Variants in NTM observed in about 807,000 individuals in gnomAD.
The protein encoded by NTM is IgLON family member 2.
Under a neutral mutation model 42.1 loss-of-function variants are expected in NTM, and 13 were observed. The ratio of observed to expected loss-of-function variants is 0.31; its 90% confidence interval spans 0.20 to 0.49. The LOEUF (loss-of-function observed/expected upper bound fraction) is 0.49. NTM is among the 20% of genes least tolerant of loss of function. The pLI is 0.99. For missense variants in NTM, 373 were observed against 452.8 expected (o/e 0.82, Z 1.60); for synonymous variants, 187 against 179.2 (o/e 1.04, Z -0.35).
intron 1 of NTM, among the ~76,000 whole-genome samples, chr11:131,789,617 A>AAGAAGAAGAAGG (rs2090422178): frequency 2.0e-4 from 17 of 83,100 alleles, no homozygotes; most frequent in Admixed American, 8.0e-4. Flanking sequence ...GAAGAAGAAG[A>AAGAAGAAGAAGG]AGAAGAAGAA....
chr11:131,433,365 T>C (rs1329197135), intron 1 of NTM, among the ~76,000 whole-genome samples: 1 of 152,214 alleles, frequency 6.6e-6, no homozygotes, highest in South Asian at 2.1e-4. Flanking sequence ...TGTCTATTTT[T>C]TCCCCACAGT....
At chr11:131,813,911 T>C (rs2092841165) in intron 1 of NTM, among the ~76,000 whole-genome samples, 1 of 152,108 alleles carries the variant, frequency 6.6e-6, no homozygotes, top group Admixed American at 6.5e-5. Flanking sequence ...TTCGTAACAG[T>C]GCCTACTTCA....
chr11:132,059,967 C>G (rs187955905), intron 2 of NTM, among the ~76,000 whole-genome samples: 58 of 152,196 alleles, frequency 3.8e-4, no homozygotes, highest in African/African-American at 1.0e-3. Flanking sequence ...CTATTTCTTC[C>G]AGATTAGAGA....
chr11:131,542,515 G>A (rs1039444086), intron 1 of NTM, among the ~76,000 whole-genome samples: 1 of 152,130 alleles, frequency 6.6e-6, no homozygotes, highest in African/African-American at 2.4e-5. Context: ...ACATCTTGAG[G>A]TTTTCTTCTA....
chr11:131,790,506 A>C (rs1684278813), intron 1 of NTM, among the ~76,000 whole-genome samples: 1 of 152,114 alleles, frequency 6.6e-6, no homozygotes, highest in African/African-American at 2.4e-5. Flanking sequence ...ATTTCCTTTT[A>C]CCCTCATGGC....
intron 1 of NTM, among the ~76,000 whole-genome samples, chr11:131,451,728 C>T (rs759360330): frequency 6.6e-6 from 1 of 152,076 alleles, no homozygotes; most frequent in Non-Finnish European, 1.5e-5. Context: ...TTTGCTGGAG[C>T]CACGAGAACT....
chr11:131,897,620 G>A (rs528242760), intron 1 of NTM, among the ~76,000 whole-genome samples: 11 of 152,302 alleles, frequency 7.2e-5, no homozygotes, highest in African/African-American at 1.9e-4. Context: ...CAGAAAACTC[G>A]AGTAGAGCAA....
At chr11:131,743,141 T>C (rs528742088) in intron 1 of NTM, among the ~76,000 whole-genome samples, 1 of 152,206 alleles carries the variant, frequency 6.6e-6, no homozygotes, top group Admixed American at 6.5e-5. Context: ...TTTAGACATA[T>C]ATTTAACAGA....
chr11:131,796,707 G>A (rs927565368), intron 1 of NTM, among the ~76,000 whole-genome samples: 4 of 152,146 alleles, frequency 2.6e-5, no homozygotes, highest in Non-Finnish European at 2.9e-5. Context: ...GGATGGCCTC[G>A]ACATCAGCGC....
intron 1 of NTM, among the ~76,000 whole-genome samples, chr11:131,520,513 G>A (rs2049491435): frequency 6.6e-6 from 1 of 152,156 alleles, no homozygotes; most frequent in African/African-American, 2.4e-5. Context: ...GCATACTTCT[G>A]TGGTGTCCAG....
At chr11:131,409,804 G>C (rs1372835698) in intron 1 of NTM, among the ~76,000 whole-genome samples, 1 of 152,174 alleles carries the variant, frequency 6.6e-6, no homozygotes, top group Non-Finnish European at 1.5e-5. Flanking sequence ...ACATGTTGGA[G>C]GGTCAAACAC....
rs569562848 is a variant in NTM, at chr11:132,116,463, G to A, written c.168-29819G>A. 6.6e-5 allele frequency among the ~76,000 whole-genome samples: 10 copies of A among 152,304 alleles called. No homozygotes were observed. In the East Asian group the frequency reaches 1.9e-3, roughly 29 times the overall value. ...GGAATTATAGGGAATGCAGTTTCTG[G>A]ATACAGAGCAAGGCAGAGAATGTTG... On this transcript the variant is annotated intron_variant, in intron 2 of 8. Coordinates refer to ENST00000683400, the MANE Select transcript of NTM (RefSeq NM_001352005.2).
At chr11:131,707,681 C>T (rs573343139) in intron 1 of NTM, among the ~76,000 whole-genome samples, 1 of 152,118 alleles carries the variant, frequency 6.6e-6, no homozygotes, top group Non-Finnish European at 1.5e-5. Context: ...TTTAATAAGT[C>T]ATTCTAACAG....
intron 2 of NTM, among the ~76,000 whole-genome samples, chr11:132,050,920 A>G (rs1197663398): frequency 2.0e-5 from 3 of 152,120 alleles, no homozygotes; most frequent in African/African-American, 4.8e-5. Flanking sequence ...CTGCATAACT[A>G]TGCCTGCCTT....
intron 4 of NTM, among the ~76,000 whole-genome samples, chr11:132,272,636 G>A (rs1266204334): frequency 1.3e-5 from 2 of 151,782 alleles, no homozygotes; most frequent in Non-Finnish European, 2.9e-5. Context: ...TTGATACTAC[G>A]GTAAAAAGAG....
At chr11:132,263,402 C>T (rs1438065496) in intron 4 of NTM, among the ~76,000 whole-genome samples, 1 of 152,216 alleles carries the variant, frequency 6.6e-6, no homozygotes, top group African/African-American at 2.4e-5. Context: ...ACCTTCCTTC[C>T]TTCTGTTTCC....
At chr11:131,658,192 C>T (rs1259183109) in intron 1 of NTM, among the ~76,000 whole-genome samples, 5 of 152,188 alleles carry the variant, frequency 3.3e-5, no homozygotes, top group Non-Finnish European at 5.9e-5. Context: ...CCACCGTACA[C>T]AGAAAATGCA....
At chr11:132,100,409 G>C (rs540335105) in intron 2 of NTM, among the ~76,000 whole-genome samples, 1 of 152,180 alleles carries the variant, frequency 6.6e-6, no homozygotes, top group Non-Finnish European at 1.5e-5. Flanking sequence ...ACACTGGGGG[G>C]ACACATAGGC....
At chr11:132,139,196 C>T (rs2068589307) in intron 2 of NTM, among the ~76,000 whole-genome samples, 1 of 152,092 alleles carries the variant, frequency 6.6e-6, no homozygotes, top group African/African-American at 2.4e-5. Context: ...GCTTTGGTCA[C>T]CTAGGGGAAA....
Sources: gnomAD v4.1 joint callset for allele counts (sites outside exome capture counted in the v4.1 genomes callset) on GRCh38, gnomAD v4.1.1 for gene constraint, MANE v1.5 for transcripts, NCBI Gene and HGNC (gene_info 2026-07-23, HGNC 2026-07-21) for gene names.